ZNG1B: variants seen among roughly 807,000 people sequenced by gnomAD.
The protein encoded by ZNG1B is Zn regulated GTPase metalloprotein activator 1B, also known as zinc-regulated GTPase metalloprotein activator 1B.
At chr2:113,443,896 C>T in the ZNG1B span, 1 of 1,336,590 alleles carries the variant, frequency 7.5e-7, no homozygotes, top group Admixed American at 2.3e-5. Context: ...ACATGGTTTA[C>T]TAGAAATGTT....
the ZNG1B span, chr2:113,457,159 C>T: frequency 2.2e-5 from 10 of 454,520 alleles, no homozygotes; most frequent in African/African-American, 2.0e-4. Flanking sequence ...ACAAATGTGA[C>T]AGCATTTAAT....
chr2:113,445,797 T>TTA, the ZNG1B span, among the ~76,000 whole-genome samples: 9 of 61,098 alleles, frequency 1.5e-4, 2 homozygotes, highest in Non-Finnish European at 3.1e-4. Context: ...CATACCATTA[T>TTA]TTTTTTTTTT....
At chr2:113,461,258 T>C in the ZNG1B span, among the ~76,000 whole-genome samples, 1 of 151,570 alleles carries the variant, frequency 6.6e-6, no homozygotes, top group Non-Finnish European at 1.5e-5. Context: ...TTTTTATTTT[T>C]TTTAGTAGAG....
the ZNG1B span, among the ~76,000 whole-genome samples, chr2:113,439,874 ATTTTTTTTTT>A: frequency 4.7e-3 from 323 of 68,882 alleles, 1 homozygote; most frequent in African/African-American, 0.018. Context: ...CCTTCCCTTA[ATTTTTTTTTT>A]TTTTTTTTTT....
the ZNG1B span, among the ~76,000 whole-genome samples, chr2:113,450,956 C>A: frequency 6.7e-6 from 1 of 148,716 alleles, no homozygotes; most frequent in African/African-American, 2.5e-5. Flanking sequence ...CCAAGTATTT[C>A]ACTCTTGGGT....
At chr2:113,472,806 C>T in the ZNG1B span, among the ~76,000 whole-genome samples, 71 of 151,874 alleles carry the variant, frequency 4.7e-4, no homozygotes, top group Middle Eastern at 0.01. Context: ...AGATATGCGG[C>T]GTTATTTCTG....
chr2:113,453,301 G>A, the ZNG1B span: 1 of 1,530,338 alleles, frequency 6.5e-7, no homozygotes, highest in Non-Finnish European at 8.8e-7. Flanking sequence ...TGGAGTGCAT[G>A]GAGTGCAGTG....
the ZNG1B span, chr2:113,495,280 C>T: frequency 1.3e-6 from 2 of 1,513,342 alleles, no homozygotes; most frequent in African/African-American, 1.5e-5. Context: ...AGTTTTAAAA[C>T]AAAGTGAAAA....
the ZNG1B span, among the ~76,000 whole-genome samples, chr2:113,457,693 G>A: frequency 1.4e-5 from 2 of 144,740 alleles, no homozygotes; most frequent in African/African-American, 5.0e-5. Flanking sequence ...TATACAATGT[G>A]TGAATTACAT....
the ZNG1B span, chr2:113,466,555 G>A: frequency 1.0e-6 from 1 of 984,876 alleles, no homozygotes; most frequent in Non-Finnish European, 1.2e-6. Context: ...AATCTTCCGT[G>A]AATTCTTCAG....
the ZNG1B span, among the ~76,000 whole-genome samples, chr2:113,453,431 T>G: frequency 6.6e-6 from 1 of 151,124 alleles, no homozygotes; most frequent in African/African-American, 2.4e-5. Flanking sequence ...TTTTGGATTT[T>G]TAGTAGAGAC....
the ZNG1B span, among the ~76,000 whole-genome samples, chr2:113,478,726 A>G: frequency 1.1e-4 from 16 of 151,784 alleles, no homozygotes; most frequent in Non-Finnish European, 8.8e-5. Context: ...GTAGGACATG[A>G]TAGTGTTTTA....
chr2:113,464,772 T>C, the ZNG1B span, among the ~76,000 whole-genome samples: 1 of 151,138 alleles, frequency 6.6e-6, no homozygotes, highest in Admixed American at 6.6e-5. Context: ...CGTAAAAATT[T>C]TGAGTATCTA....
the ZNG1B span, among the ~76,000 whole-genome samples, chr2:113,444,805 T>G: frequency 3.9e-5 from 6 of 152,182 alleles, no homozygotes; most frequent in Admixed American, 2.0e-4. Context: ...CTGGTAAATA[T>G]GGGACGGACA....
chr2:113,471,893 T>C, the ZNG1B span, among the ~76,000 whole-genome samples: 2 of 151,938 alleles, frequency 1.3e-5, no homozygotes, highest in Non-Finnish European at 2.9e-5. Flanking sequence ...TGTTGGACAT[T>C]TGGGTTGGTT....
the ZNG1B span, among the ~76,000 whole-genome samples, chr2:113,475,473 C>T: frequency 1.3e-5 from 2 of 149,910 alleles, no homozygotes; most frequent in African/African-American, 2.5e-5. Context: ...TTAATTGGAG[C>T]ATTTAGTCCA....
the ZNG1B span, among the ~76,000 whole-genome samples, chr2:113,491,669 C>T: frequency 7.0e-6 from 1 of 141,864 alleles, no homozygotes; most frequent in Non-Finnish European, 1.5e-5. Context: ...AGAACTTTTG[C>T]ACAGCAAAAG....
chr2:113,478,380 A>G, the ZNG1B span, among the ~76,000 whole-genome samples: 1 of 151,916 alleles, frequency 6.6e-6, no homozygotes, highest in Admixed American at 6.6e-5. Context: ...GGCTCAAGTG[A>G]TCCTCCCATC....
chr2:113,489,686 G>A, the ZNG1B span, among the ~76,000 whole-genome samples: 1 of 151,954 alleles, frequency 6.6e-6, no homozygotes, highest in Non-Finnish European at 1.5e-5. Flanking sequence ...TCATGCAAAC[G>A]GACACCAAGT....
Sources: allele counts gnomAD v4.1 joint callset (sites outside exome capture counted in the v4.1 genomes callset), GRCh38; gene constraint gnomAD v4.1.1; transcripts MANE v1.5; gene names NCBI Gene and HGNC (gene_info 2026-07-23, HGNC 2026-07-21).